The following FTO variants were observed in gnomAD, a reference collection of about 807,000 sequenced individuals.
FTO encodes the protein FTO alpha-ketoglutarate dependent dioxygenase, also known as alpha-ketoglutarate-dependent dioxygenase FTO.
A neutral mutation model predicts 63.9 loss-of-function variants in FTO; 47 were observed. The ratio of observed to expected loss-of-function variants is 0.74; its 90% CI spans 0.58 to 0.94. The LOEUF is 0.94. FTO is among the 40% of genes least tolerant of loss of function. The pLI is 0.00. For missense variants in FTO, 562 were observed against 618.1 expected (o/e 0.91, Z 0.96); for synonymous variants, 207 against 224.4 (o/e 0.92, Z 0.69).
rs2084412243 is a variant in FTO at position 54,015,207 on chromosome 16, A to C, written c.1364+81098A>C. ...GAGATGTCCTGGGCATTTGAACTGC[A>C]GATTCCCTTAAACTGGACATTGTCA... On this transcript the variant is annotated intron_variant, in intron 8 of 8. Coordinates refer to ENST00000471389, the MANE Select transcript of FTO (RefSeq NM_001080432.3). Among the ~76,000 whole-genome samples, 3 of 152,214 alleles carry C rather than the reference A, an allele frequency of 2.0e-5. No individual in the cohort carries two copies. In the South Asian group the frequency reaches 6.2e-4, roughly 32 times the overall value.
In FTO at chr16:53,800,068, G is replaced by A. The variant is rs75823063; in HGVS notation, c.46-10072G>A. The stretch of plus-strand genomic sequence containing the variant: ...TGTATTGTATTTGTTCTTCTTTTTC[G>A]AGTTTCTCCAAGTGGAAGCTAAGGT... On this transcript the variant is annotated intron_variant, in intron 1 of 8. Transcript: ENST00000471389. Among the ~76,000 whole-genome samples, 246 of 150,872 alleles carry A rather than the reference G, an allele frequency of 1.6e-3. 2 individuals carry two copies. Among genetic ancestry groups the A allele is most frequent in the East Asian group, 0.012 (64 of 5,128 alleles).
intron 4 of FTO, among the ~76,000 whole-genome samples, chr16:53,846,845 C>T (rs1026902938): frequency 1.3e-5 from 2 of 149,222 alleles, no homozygotes; most frequent in Admixed American, 6.7e-5. Flanking sequence ...TCTAAAAATT[C>T]AGCTATATTC....
rs184464036 is a variant in FTO, at chr16:53,968,308, T to G, written c.1364+34199T>G. Among the ~76,000 whole-genome samples, 392 of 152,322 alleles carry G rather than the reference T, an allele frequency of 2.6e-3. 3 individuals carry two copies. Among genetic ancestry groups the G allele is most frequent in the African/African-American group, 9.0e-3 (374 of 41,576 alleles). Reference sequence around the variant, plus strand: ...AGTGCAGAAGCAGAAAAGCCTAATTTGGTATCTGGGGTATCAGTAGCCAAA... The same window carrying G: ...AGTGCAGAAGCAGAAAAGCCTAATTGGGTATCTGGGGTATCAGTAGCCAAA... On this transcript the variant is annotated intron_variant, in intron 8 of 8. Transcript: ENST00000471389.
At chr16:54,003,116 C>A (rs189580012) in intron 8 of FTO, among the ~76,000 whole-genome samples, 1 of 152,210 alleles carries the variant, frequency 6.6e-6, no homozygotes, top group East Asian at 1.9e-4. Context: ...CTGGGAAGAA[C>A]TAAAGAGATA....
chr16:53,940,685 T>C (rs2082508167), intron 8 of FTO, among the ~76,000 whole-genome samples: 1 of 152,234 alleles, frequency 6.6e-6, no homozygotes. Context: ...AAAATGGTGC[T>C]GAGATTCATT....
At chr16:54,024,418 C>CG (rs1200240585) in intron 8 of FTO, among the ~76,000 whole-genome samples, 4 of 151,694 alleles carry the variant, frequency 2.6e-5, no homozygotes, top group East Asian at 1.9e-4. Context: ...TTAGTAGAGA[C>CG]GGGGTCTCAC....
chr16:54,042,222 G>C (rs1332713886), intron 8 of FTO, among the ~76,000 whole-genome samples: 2 of 147,400 alleles, frequency 1.4e-5, no homozygotes, highest in Non-Finnish European at 3.0e-5. Context: ...GGGAGTGCCA[G>C]ACAGTGGGCG....
intron 8 of FTO, among the ~76,000 whole-genome samples, chr16:53,975,347 A>G (rs190205240): frequency 1.7e-3 from 259 of 152,160 alleles, no homozygotes; most frequent in Non-Finnish European, 3.0e-3. Context: ...TATTTATTTT[A>G]TGCTAATTTC....
intron 4 of FTO, among the ~76,000 whole-genome samples, chr16:53,867,354 A>G (rs1422653798): frequency 1.3e-5 from 2 of 152,218 alleles, no homozygotes; most frequent in African/African-American, 4.8e-5. Flanking sequence ...TCAGATCTAC[A>G]TAAAGAAAGG....
At chr16:53,710,978 A>G (rs1025345190) in intron 1 of FTO, among the ~76,000 whole-genome samples, 2 of 152,142 alleles carry the variant, frequency 1.3e-5, no homozygotes, top group Admixed American at 6.5e-5. Flanking sequence ...AACTTCTCTG[A>G]GCCTCCATTT....
At chr16:53,908,185 A>G (rs947649839) in intron 7 of FTO, among the ~76,000 whole-genome samples, 6 of 152,246 alleles carry the variant, frequency 3.9e-5, no homozygotes, top group African/African-American at 1.2e-4. Flanking sequence ...AGCCAATTCC[A>G]TGGGATTAAT....
chr16:53,797,750 A>T (rs540604494), intron 1 of FTO, among the ~76,000 whole-genome samples: 22 of 152,050 alleles, frequency 1.4e-4, no homozygotes, highest in African/African-American at 5.1e-4. Flanking sequence ...AAAGTAGTTG[A>T]CCATTTTGTT....
intron 4 of FTO, among the ~76,000 whole-genome samples, chr16:53,873,411 T>C (rs1473396211): frequency 6.6e-6 from 1 of 151,394 alleles, no homozygotes; most frequent in African/African-American, 2.4e-5. Context: ...TCATACTTTG[T>C]ATGATAGAAT....
intron 2 of FTO, among the ~76,000 whole-genome samples, chr16:53,820,997 G>GT (rs1036313757): frequency 2.0e-5 from 3 of 152,186 alleles, no homozygotes; most frequent in Admixed American, 6.5e-5. Context: ...TTTTTATGCT[G>GT]TTTTTTATGT....
intron 1 of FTO, among the ~76,000 whole-genome samples, chr16:53,717,568 G>T (rs1364029537): frequency 6.6e-6 from 1 of 151,860 alleles, no homozygotes; most frequent in Non-Finnish European, 1.5e-5. Context: ...TTTGTTTATT[G>T]CCTGACTTTT....
intron 2 of FTO, among the ~76,000 whole-genome samples, chr16:53,812,415 G>T (rs2078558588): frequency 6.6e-6 from 1 of 151,930 alleles, no homozygotes; most frequent in African/African-American, 2.4e-5. Context: ...TAGAGACATG[G>T]TTTCACCATG....
At chr16:53,880,635 G>T (rs1428842881) in intron 6 of FTO, among the ~76,000 whole-genome samples, 2 of 152,108 alleles carry the variant, frequency 1.3e-5, no homozygotes, top group African/African-American at 2.4e-5. Flanking sequence ...GTGATTCATA[G>T]ATGGCACCCT....
chr16:53,920,802 C>T (rs915208124), intron 7 of FTO, among the ~76,000 whole-genome samples: 2 of 152,120 alleles, frequency 1.3e-5, no homozygotes, highest in African/African-American at 4.8e-5. Context: ...GTCGTAAGCA[C>T]TAAATAAACA....
chr16:53,944,743 A>T (rs1842475420), intron 8 of FTO, among the ~76,000 whole-genome samples: 1 of 152,194 alleles, frequency 6.6e-6, no homozygotes, highest in South Asian at 2.1e-4. Context: ...TGATTAAGTG[A>T]TTAAATGTAA....
Sources: allele counts gnomAD v4.1 joint callset (sites outside exome capture counted in the v4.1 genomes callset), GRCh38; gene constraint gnomAD v4.1.1; transcripts MANE v1.5; gene names NCBI Gene and HGNC (gene_info 2026-07-23, HGNC 2026-07-21).